SERINC2: variants seen among roughly 807,000 people sequenced by gnomAD.
The protein encoded by SERINC2 is serine incorporator 2, also known as tumor differentially expressed protein 2.
A neutral mutation model predicts 54.2 loss-of-function variants in SERINC2; 56 were observed. That is an observed-to-expected ratio of 1.03 (90% confidence interval 0.83 to 1.29). SERINC2 has a LOEUF of 1.29. Among genes scored for constraint, SERINC2 ranks in the 50% most tolerant of loss-of-function variants. The pLI is 0.00. For synonymous variants in SERINC2, 272 were observed against 253.1 expected, an observed-to-expected ratio of 1.07 and a Z score of -0.71; for missense variants, 614 against 607.4, an observed-to-expected ratio of 1.01 and a Z score of -0.12.
Position 31,431,778 on chromosome 1 carries a change from T to A in SERINC2, c.1014-1189T>A, listed in dbSNP as rs371194819. On this transcript the variant is annotated intron_variant, in intron 8 of 9. Coordinates refer to ENST00000373709, the MANE Select transcript of SERINC2 (RefSeq NM_178865.5). ...GGGTGGAGAGGGTGGAGAGGGTGAA[T>A]AGGGTGGATAGGGTGGATAGGGTGG... Among the ~76,000 whole-genome samples the A allele has an allele frequency of 3.0e-4, 3 of 9,916 alleles. No individual in the cohort carries two copies. The South Asian group carries it at 0.01, about 33-fold the overall frequency. The allele number at this position is 9,916 out of a possible 152,430, so 6.5% of individuals were successfully genotyped here. A position where few individuals can be genotyped will look rare whatever the true frequency, so the allele number is the denominator to read the frequency against.
chr1:31,416,526 C>T (rs966097386), intron 1 of SERINC2, among the ~76,000 whole-genome samples: 1 of 152,104 alleles, frequency 6.6e-6, no homozygotes, highest in Admixed American at 6.5e-5. Flanking sequence ...CGGCTGACCT[C>T]TTCTCTGCTG....
intron 8 of SERINC2, among the ~76,000 whole-genome samples, chr1:31,431,925 G>A (rs1422823997): frequency 6.5e-5 from 9 of 138,832 alleles, no homozygotes; most frequent in Admixed American, 5.2e-4. Flanking sequence ...GGGTGGTTAG[G>A]GTGGATAGGG....
At chr1:31,430,232 G>A (rs374671389) in intron 8 of SERINC2, among the ~76,000 whole-genome samples, 25 of 152,276 alleles carry the variant, frequency 1.6e-4, no homozygotes, top group African/African-American at 5.5e-4. Flanking sequence ...TTAGAAAGGG[G>A]CCAGGCATGG....
At chr1:31,430,628 T>C (rs537835912) in intron 8 of SERINC2, among the ~76,000 whole-genome samples, 9 of 152,362 alleles carry the variant, frequency 5.9e-5, no homozygotes, top group South Asian at 2.1e-4. Context: ...TGCATATTAT[T>C]GTGAACATTT....
At chr1:31,414,103 T>C in intron 1 of SERINC2, 1 of 1,454,748 alleles carries the variant, frequency 6.9e-7, no homozygotes, top group Non-Finnish European at 9.0e-7. Flanking sequence ...AACTCTGGGT[T>C]GGGAGAGCAG....
chr1:31,428,941 G>A, intron 6 of SERINC2, 37 bp from the exon 7 acceptor site: 1 of 1,574,020 alleles, frequency 6.4e-7, no homozygotes, highest in Non-Finnish European at 8.7e-7. Flanking sequence ...GGGTGTCTCT[G>A]GTCTGGCAGG....
At position 31,413,404 on chromosome 1, in the gene SERINC2, T is replaced by A; in HGVS notation, c.39+100T>A. The A allele has an allele frequency of 1.6e-6, 1 of 637,876 alleles. No homozygotes were observed. Among genetic ancestry groups the A allele is most frequent in the African/African-American group, 1.9e-5 (1 of 52,396 alleles). 39.5% of individuals were successfully genotyped at this position (637,876 alleles called of 1,614,324 possible). On this transcript the variant is annotated intron_variant, in intron 1 of 9. Coordinates refer to ENST00000373709, the MANE Select transcript of SERINC2 (RefSeq NM_178865.5). This position sits in a 1 kb window ranked among gnomAD's most constrained non-coding sequence, Gnocchi z 5.0. Reference sequence around the variant, plus strand: ...CTCCGAGTAGTTTCTTCTTTTTCCTTCCTGCAAACTTGTCTTTCTGGGCCG... The same window carrying A: ...CTCCGAGTAGTTTCTTCTTTTTCCTACCTGCAAACTTGTCTTTCTGGGCCG...
rs112430366 is a variant in SERINC2, at chr1:31,432,183, T to G, written c.1014-784T>G. Among the ~76,000 whole-genome samples, 135 of 61,528 alleles carry G rather than the reference T, an allele frequency of 2.2e-3. 4 individuals are homozygous for G. The highest frequency in any genetic ancestry group is 2.8e-3 in the African/African-American group (60 of 21,162). 40.4% of individuals were successfully genotyped at this position (61,528 alleles called of 152,430 possible). On this transcript the variant is annotated intron_variant, in intron 8 of 9. Transcript: ENST00000373709. ...GGGTGGATAGGGTGGATAGGGTGGA[T>G]AGGGTGGTTAGAGTGGAGAGAGTGG...
chr1:31,430,510 A>G (rs1170307719), intron 8 of SERINC2, among the ~76,000 whole-genome samples: 1 of 151,772 alleles, frequency 6.6e-6, no homozygotes, highest in Admixed American at 6.6e-5. Flanking sequence ...AAAAAAAAAA[A>G]GGTTTTGTAA....
chr1:31,416,995 C>T (rs12094182), intron 1 of SERINC2, among the ~76,000 whole-genome samples: 2,454 of 152,336 alleles, frequency 0.016, 58 homozygotes, highest in African/African-American at 0.056. Flanking sequence ...GCTGGGATTA[C>T]AGGCATGAGC....
chr1:31,416,282 C>T (rs781845022), intron 1 of SERINC2, among the ~76,000 whole-genome samples: 1 of 152,208 alleles, frequency 6.6e-6, no homozygotes, highest in Non-Finnish European at 1.5e-5. Flanking sequence ...CTCAAGACTA[C>T]ATGCAAGGAA....
Position 31,413,886 on chromosome 1 carries a change from TGCCCGTCC to T in SERINC2, c.39+592_39+599del. On this transcript the variant is annotated intron_variant, in intron 1 of 9. Coordinates refer to ENST00000373709, the MANE Select transcript of SERINC2 (RefSeq NM_178865.5). The surrounding 1 kb of genome is among the most constrained non-coding windows in gnomAD (Gnocchi z 5.0). ...GTCCGTCTGCTGTCTTCTGTCCGTCTGCCCGTCCGCCCGTCCGTCCCTCAGTCTCTCTG... is the reference window on the plus strand; with the variant it reads ...GTCCGTCTGCTGTCTTCTGTCCGTCTGCCCGTCCGTCCCTCAGTCTCTCTG... 1.4e-6 allele frequency: 2 copies of T among 1,448,474 alleles called. No homozygotes were observed. The highest frequency in any genetic ancestry group is 1.4e-5 in the South Asian group (1 of 70,496). The allele number at this position is 1,448,474 out of a possible 1,614,324, so 89.7% of individuals were successfully genotyped here.
At chr1:31,427,528 C>G (rs1330383221) in intron 6 of SERINC2, among the ~76,000 whole-genome samples, 2 of 152,184 alleles carry the variant, frequency 1.3e-5, no homozygotes, top group African/African-American at 4.8e-5. Context: ...TCCCAGGTCA[C>G]ACAGCAATCA....
chr1:31,429,038 G>A lies in SERINC2; in HGVS notation c.841G>A (p.Val281Ile), dbSNP rs782315764. 1.9e-5 allele frequency: 31 copies of A among 1,614,022 alleles called. No homozygotes were observed. Among genetic ancestry groups the A allele is most frequent in the Middle Eastern group, 1.6e-4 (1 of 6,062 alleles). Reference protein sequence around the residue: ...ASVITLYTMFVTWSALSSIPE... With the variant: ...ASVITLYTMFITWSALSSIPE... ...GGTCATCACCCTCTACACCATGTTT[G>A]TCACCTGGTCAGCCCTATCCAGTAT... is the stretch of plus-strand genomic sequence containing the variant. The change falls in exon 7 of 10, where the codon GTC becomes ATC. Residue 281 changes from valine to isoleucine, a missense_variant. Coordinates refer to ENST00000373709, the MANE Select transcript of SERINC2 (RefSeq NM_178865.5).
upstream of SERINC2, among the ~76,000 whole-genome samples, chr1:31,412,543 C>T (rs1156562430): frequency 6.6e-6 from 1 of 152,088 alleles, no homozygotes; most frequent in African/African-American, 2.4e-5. Context: ...GTGGCATGCA[C>T]CTGTAGTCCC....
At chr1:31,425,978 A>T in intron 5 of SERINC2, 65 bp downstream of exon 5, 2 of 1,536,096 alleles carry the variant, frequency 1.3e-6, no homozygotes, top group Non-Finnish European at 8.8e-7. Flanking sequence ...GCTGCCTGAG[A>T]AATCGAGGGT....
At position 31,426,678 on chromosome 1, in the gene SERINC2, T is replaced by C; in HGVS notation, c.635T>C (p.Phe212Ser). ...YAGLFFFTLL[F>S]YLLSIAAVAL... ...GGCCTCTTCTTCTTCACTCTCCTCT[T>C]CTACTTGCTGTCGATCGCGGCCGTG... Residue 212 changes from phenylalanine to serine, a missense_variant, in exon 6 of 10, where the codon TTC (phenylalanine) becomes TCC (serine). Coordinates refer to ENST00000373709, the MANE Select transcript of SERINC2 (RefSeq NM_178865.5). 6.2e-7 allele frequency: 1 copy of C among 1,612,774 alleles called. No homozygotes were observed. Among genetic ancestry groups the C allele is most frequent in the Admixed American group, 1.7e-5 (1 of 59,974 alleles).
At chr1:31,430,094 T>C (rs1306482599) in intron 8 of SERINC2, among the ~76,000 whole-genome samples, 1 of 152,188 alleles carries the variant, frequency 6.6e-6, no homozygotes, top group Non-Finnish European at 1.5e-5. Flanking sequence ...TTACTAGCTA[T>C]GTGATCCTGG....
Position 31,413,902 on chromosome 1 carries a change from C to T in SERINC2, c.39+598C>T. ...CTGTCCGTCTGCCCGTCCGCCCGTCCGTCCCTCAGTCTCTCTGCGGTCCCT... is the reference window on the plus strand; with the variant it reads ...CTGTCCGTCTGCCCGTCCGCCCGTCTGTCCCTCAGTCTCTCTGCGGTCCCT... On this transcript the variant is annotated intron_variant, in intron 1 of 9. Coordinates refer to ENST00000373709, the MANE Select transcript of SERINC2 (RefSeq NM_178865.5). This position sits in a 1 kb window ranked among gnomAD's most constrained non-coding sequence, Gnocchi z 5.0. 2 of 1,454,218 alleles carry T rather than the reference C, an allele frequency of 1.4e-6. No homozygotes were observed. Among genetic ancestry groups the T allele is most frequent in the Non-Finnish European group, 1.8e-6 (2 of 1,111,838 alleles). 90.1% of individuals were successfully genotyped at this position (1,454,218 alleles called of 1,614,324 possible).
Sources: gnomAD v4.1 joint callset for allele counts (sites outside exome capture counted in the v4.1 genomes callset) on GRCh38, gnomAD v4.1.1 for gene constraint, Gnocchi (gnomAD v3.1) non-coding constraint, MANE v1.5 for transcripts, NCBI Gene and HGNC (gene_info 2026-07-23, HGNC 2026-07-21) for gene names.